Variants in MALRD1 observed in about 807,000 individuals in gnomAD.
MALRD1 encodes the protein MAM and LDL receptor class A domain containing 1.
In MALRD1, 247 loss-of-function variants were observed where a neutral mutation model predicts 242.1. The observed-to-expected ratio is 1.02, with a 90% CI of 0.92 to 1.13. The LOEUF (loss-of-function observed/expected upper bound fraction) is 1.13, where lower values mean the gene tolerates loss of function less well. Among genes scored for constraint, MALRD1 ranks in the 50% most tolerant of loss-of-function variants. The probability of loss-of-function intolerance (pLI) is 0.00; values close to 1 mark genes in which losing one functional copy is unlikely to be tolerated. For synonymous variants in MALRD1, 995 were observed against 866.6 expected, an observed-to-expected ratio of 1.15 and a Z score of -2.60; for missense variants, 2,989 against 2,533.1, an observed-to-expected ratio of 1.18 and a Z score of -3.86.
At chr10:19,627,212 A>T (rs781307473) in intron 36 of MALRD1, among the ~76,000 whole-genome samples, 7 of 152,102 alleles carry the variant, frequency 4.6e-5, no homozygotes, top group Non-Finnish European at 5.9e-5. Context: ...AATTATTAAA[A>T]ATATATATAG....
chr10:19,245,706 A>G (rs1196934789), intron 18 of MALRD1, among the ~76,000 whole-genome samples: 1 of 152,182 alleles, frequency 6.6e-6, no homozygotes, highest in Non-Finnish European at 1.5e-5. Context: ...TTCCCTACAA[A>G]CACCAATATC....
intron 28 of MALRD1, among the ~76,000 whole-genome samples, chr10:19,410,648 C>T (rs896976021): frequency 6.7e-6 from 1 of 148,780 alleles, no homozygotes; most frequent in Non-Finnish European, 1.5e-5. Flanking sequence ...CTCCCCTCCT[C>T]CCCTCCCCTC....
intron 15 of MALRD1, 24 bp from the exon 16 acceptor site, chr10:19,204,284 T>TTG (rs1554810195): frequency 1.1e-4 from 133 of 1,243,166 alleles, no homozygotes; most frequent in Non-Finnish European, 1.2e-4. Context: ...ATGAAGCGTT[T>TTG]TTTTTTTTTT....
chr10:19,359,888 C>G (rs892855190), intron 26 of MALRD1, among the ~76,000 whole-genome samples: 13 of 152,226 alleles, frequency 8.5e-5, no homozygotes, highest in Non-Finnish European at 1.5e-4. Flanking sequence ...CAGCTCATCA[C>G]ACGGATAGAC....
chr10:19,051,948 A>AAAAC (rs1834517780), intron 1 of MALRD1: 4 of 169,796 alleles, frequency 2.4e-5, no homozygotes, highest in South Asian at 9.4e-5. Context: ...AAAAAAAAAA[A>AAAAC]AAAAGGAAAG....
At chr10:19,453,562 C>T (rs1051149140) in intron 29 of MALRD1, among the ~76,000 whole-genome samples, 4 of 152,128 alleles carry the variant, frequency 2.6e-5, no homozygotes, top group Non-Finnish European at 5.9e-5. Flanking sequence ...ATCTGGGCAA[C>T]ATAGTGAAAC....
chr10:19,224,355 C>G (rs557013817), intron 18 of MALRD1, among the ~76,000 whole-genome samples: 133 of 148,176 alleles, frequency 9.0e-4, no homozygotes, highest in African/African-American at 3.1e-3. Context: ...GGCACAATTT[C>G]GGCTCACTGC....
At chr10:19,560,659 G>A (rs1307211401) in intron 32 of MALRD1, among the ~76,000 whole-genome samples, 2 of 152,086 alleles carry the variant, frequency 1.3e-5, no homozygotes, top group South Asian at 4.1e-4. Flanking sequence ...CATGTCTTTT[G>A]CCGGGACATG....
intron 5 of MALRD1, 65 bp downstream of exon 5, chr10:19,104,140 T>G (rs1258405448): frequency 1.1e-6 from 1 of 889,854 alleles, no homozygotes; most frequent in Non-Finnish European, 1.5e-6. Context: ...ATTTAAACAT[T>G]GTGATGACTT....
chr10:19,200,715 C>G (rs1588689125), intron 14 of MALRD1, among the ~76,000 whole-genome samples: 1 of 124,546 alleles, frequency 8.0e-6, no homozygotes, highest in Admixed American at 9.9e-5. Context: ...ATGAAGAGCT[C>G]AAAAAAATGA....
At chr10:19,516,655 C>T (rs946161303) in intron 31 of MALRD1, among the ~76,000 whole-genome samples, 1 of 151,736 alleles carries the variant, frequency 6.6e-6, no homozygotes, top group African/African-American at 2.4e-5. Context: ...TCCTCTTCCT[C>T]TTCCTACTCT....
intron 26 of MALRD1, among the ~76,000 whole-genome samples, chr10:19,363,022 T>C (rs1284750872): frequency 1.3e-5 from 2 of 152,030 alleles, no homozygotes; most frequent in African/African-American, 4.8e-5. Flanking sequence ...GCAGATTTCA[T>C]GGGGGAGAGT....
intron 21 of MALRD1, among the ~76,000 whole-genome samples, chr10:19,305,521 A>T (rs1431146551): frequency 6.6e-6 from 1 of 151,240 alleles, no homozygotes; most frequent in Non-Finnish European, 1.5e-5. Context: ...GCAAGTTTTC[A>T]ATTTTGAACC....
Position 19,595,178 on chromosome 10 carries a change from T to A in MALRD1, c.5681-16T>A. On this transcript the variant is annotated splice_polypyrimidine_tract_variant and intron_variant, in intron 33 of 39. Transcript: ENST00000454679. ...CTCCCTAATGCCAAAATAACTTGAC[T>A]TGCTCTCTTTTTTAGGTCCTGTCCC... 2 of 1,540,960 alleles carry A rather than the reference T, an allele frequency of 1.3e-6. No homozygotes were observed. Among genetic ancestry groups the A allele is most frequent in the Non-Finnish European group, 1.8e-6 (2 of 1,140,382 alleles).
intron 28 of MALRD1, among the ~76,000 whole-genome samples, chr10:19,432,173 G>C (rs533598360): frequency 1.3e-5 from 2 of 152,060 alleles, no homozygotes; most frequent in Non-Finnish European, 2.9e-5. Flanking sequence ...ATATAACTTT[G>C]TTAGAGCAAT....
intron 18 of MALRD1, among the ~76,000 whole-genome samples, chr10:19,230,487 C>T (rs1431548068): frequency 2.0e-5 from 3 of 152,062 alleles, no homozygotes; most frequent in African/African-American, 4.8e-5. Context: ...GAGGAGGTGT[C>T]AGTCTCTTTT....
intron 33 of MALRD1, among the ~76,000 whole-genome samples, chr10:19,576,105 C>T (rs1396864616): frequency 2.6e-5 from 4 of 152,234 alleles, no homozygotes; most frequent in Admixed American, 6.5e-5. Context: ...AAACCAAGGA[C>T]ATGAGCAGGA....
chr10:19,106,451 T>C (rs1836466823), intron 5 of MALRD1, among the ~76,000 whole-genome samples: 1 of 151,900 alleles, frequency 6.6e-6, no homozygotes, highest in African/African-American at 2.4e-5. Context: ...AATGGTCTTT[T>C]ATCCTTTGTA....
At chr10:19,587,584 G>T (rs1391858398) in intron 33 of MALRD1, among the ~76,000 whole-genome samples, 1 of 152,216 alleles carries the variant, frequency 6.6e-6, no homozygotes, top group East Asian at 1.9e-4. Flanking sequence ...CAAATTATCA[G>T]TGTGATGTAA....
Sources: allele counts gnomAD v4.1 joint callset (sites outside exome capture counted in the v4.1 genomes callset), GRCh38; gene constraint gnomAD v4.1.1; transcripts MANE v1.5; gene names NCBI Gene and HGNC (gene_info 2026-07-23, HGNC 2026-07-21).